The following ARL15 variants were observed in gnomAD, a reference collection of about 807,000 sequenced individuals.
ARL15 encodes ARF like GTPase 15.
A neutral mutation model predicts 25.2 loss-of-function variants in ARL15; 19 were observed. The observed-to-expected ratio is 0.75, with a 90% CI of 0.53 to 1.10. ARL15 has a LOEUF of 1.10. Ranked by LOEUF, ARL15 falls within the 50% of genes least tolerant of loss-of-function variation. The pLI, the probability that ARL15 is intolerant of heterozygous loss-of-function variation, is 0.00. For synonymous variants in ARL15, 94 were observed against 86.8 expected, an observed-to-expected ratio of 1.08 and a Z score of -0.46; for missense variants, 220 against 246.0, an observed-to-expected ratio of 0.89 and a Z score of 0.71.
At chr5:54,222,928 T>C (rs1195704232) in intron 1 of ARL15, among the ~76,000 whole-genome samples, 1 of 151,970 alleles carries the variant, frequency 6.6e-6, no homozygotes. Context: ...CTAGTGATTC[T>C]TCTGCCTCAG....
chr5:53,973,322 C>T (rs1457747318), intron 4 of ARL15, among the ~76,000 whole-genome samples: 2 of 151,970 alleles, frequency 1.3e-5, no homozygotes, highest in African/African-American at 2.4e-5. Context: ...GCCTGTAATC[C>T]CAGCACTTTG....
intron 4 of ARL15, among the ~76,000 whole-genome samples, chr5:54,015,769 G>A (rs1399047438): frequency 6.6e-6 from 1 of 152,122 alleles, no homozygotes; most frequent in Non-Finnish European, 1.5e-5. Flanking sequence ...ATATGACTGT[G>A]AGAGACCAGA....
intron 4 of ARL15, among the ~76,000 whole-genome samples, chr5:54,052,347 T>A (rs1750727829): frequency 6.6e-6 from 1 of 152,132 alleles, no homozygotes; most frequent in African/African-American, 2.4e-5. Context: ...TTATAAATAA[T>A]CTAAACATAT....
At chr5:54,290,365 C>G (rs1053662223) in intron 1 of ARL15, among the ~76,000 whole-genome samples, 1 of 150,492 alleles carries the variant, frequency 6.6e-6, no homozygotes, top group Non-Finnish European at 1.5e-5. Context: ...GGCAGTGGCA[C>G]GATCTCGGCT....
intron 1 of ARL15, among the ~76,000 whole-genome samples, chr5:54,196,801 A>G (rs979140311): frequency 6.6e-6 from 1 of 152,184 alleles, no homozygotes; most frequent in Non-Finnish European, 1.5e-5. Context: ...TGAGTATATT[A>G]AACTGAAATA....
At chr5:54,296,768 G>T (rs1315567387) in intron 1 of ARL15, among the ~76,000 whole-genome samples, 1 of 152,226 alleles carries the variant, frequency 6.6e-6, no homozygotes, top group Non-Finnish European at 1.5e-5. Context: ...TGTCTAACAG[G>T]CCTCACTGTC....
chr5:54,210,486 AT>A (rs1756010495), intron 1 of ARL15, among the ~76,000 whole-genome samples: 1 of 152,222 alleles, frequency 6.6e-6, no homozygotes, highest in Non-Finnish European at 1.5e-5. Flanking sequence ...AATATATTAT[AT>A]TTGATTATCA....
chr5:54,232,325 G>A (rs1206200425), intron 1 of ARL15, among the ~76,000 whole-genome samples: 1 of 152,054 alleles, frequency 6.6e-6, no homozygotes, highest in South Asian at 2.1e-4. Flanking sequence ...TAACCCAAGA[G>A]CACTATTAAT....
chr5:54,190,862 T>A (rs1755378433), intron 1 of ARL15, among the ~76,000 whole-genome samples: 1 of 152,128 alleles, frequency 6.6e-6, no homozygotes, highest in African/African-American at 2.4e-5. Context: ...TTGGGAAGAA[T>A]GTAAAATGAT....
chr5:54,198,656 C>G (rs1755627312), intron 1 of ARL15, among the ~76,000 whole-genome samples: 1 of 150,564 alleles, frequency 6.6e-6, no homozygotes, highest in African/African-American at 2.5e-5. Context: ...AGGATACAAA[C>G]AAATGGAAGA....
At chr5:54,112,175 C>T (rs1752761371) in intron 4 of ARL15, among the ~76,000 whole-genome samples, 7 of 151,924 alleles carry the variant, frequency 4.6e-5, no homozygotes, top group Admixed American at 4.6e-4. Context: ...TTATATGGTT[C>T]TTCTACTTAG....
intron 4 of ARL15, among the ~76,000 whole-genome samples, chr5:53,900,935 A>G (rs1351757655): frequency 6.6e-6 from 1 of 152,210 alleles, no homozygotes; most frequent in Admixed American, 6.5e-5. Flanking sequence ...CCCACATAGG[A>G]CACTTATGTT....
chr5:53,901,476 A>G (rs896056725), intron 4 of ARL15, among the ~76,000 whole-genome samples: 1 of 152,192 alleles, frequency 6.6e-6, no homozygotes, highest in Non-Finnish European at 1.5e-5. Context: ...CACATATTAG[A>G]GACAACCAAT....
At chr5:53,951,995 T>C (rs1277601544) in intron 4 of ARL15, among the ~76,000 whole-genome samples, 1 of 151,670 alleles carries the variant, frequency 6.6e-6, no homozygotes, top group Non-Finnish European at 1.5e-5. Context: ...TAGCTGGGCG[T>C]GGTGGCTCGC....
chr5:54,130,597 C>G (rs369966395), intron 3 of ARL15, among the ~76,000 whole-genome samples: 2 of 152,116 alleles, frequency 1.3e-5, no homozygotes, highest in African/African-American at 4.8e-5. Flanking sequence ...AGATCATAGG[C>G]TATCGTGAGA....
intron 4 of ARL15, among the ~76,000 whole-genome samples, chr5:53,995,338 AT>A (rs145010918): frequency 7.2e-6 from 1 of 139,172 alleles, no homozygotes; most frequent in South Asian, 2.2e-4. Context: ...GCAATTGGGG[AT>A]TTTTTTAAAT....
intron 1 of ARL15, among the ~76,000 whole-genome samples, chr5:54,179,969 G>A (rs1305889511): frequency 1.4e-5 from 2 of 147,010 alleles, no homozygotes; most frequent in East Asian, 4.0e-4. Flanking sequence ...AGTGAGCTGA[G>A]ATCGCGCCAC....
At chr5:54,032,881 G>C (rs1750036326) in intron 4 of ARL15, among the ~76,000 whole-genome samples, 1 of 151,918 alleles carries the variant, frequency 6.6e-6, no homozygotes. Context: ...CTATTTCCTG[G>C]ATTAACAGGC....
At chr5:54,262,788 C>A (rs1757526624) in intron 1 of ARL15, among the ~76,000 whole-genome samples, 1 of 151,968 alleles carries the variant, frequency 6.6e-6, no homozygotes. Flanking sequence ...ATTTTTTCCC[C>A]ACAAAAAATT....
Sources: allele counts gnomAD v4.1 joint callset (sites outside exome capture counted in the v4.1 genomes callset), GRCh38; gene constraint gnomAD v4.1.1; transcripts MANE v1.5; gene names NCBI Gene and HGNC (gene_info 2026-07-23, HGNC 2026-07-21).